TLL1: variants seen among roughly 807,000 people sequenced by gnomAD.
TLL1 encodes tolloid-like protein 1.
In TLL1, 49 loss-of-function variants were observed where a neutral mutation model predicts 128.2. That is an observed-to-expected ratio of 0.38 (90% CI 0.30 to 0.48). The LOEUF (loss-of-function observed/expected upper bound fraction) is 0.48. Ranked by LOEUF, TLL1 falls within the 20% of genes least tolerant of loss-of-function variation. The pLI, the probability that TLL1 is intolerant of heterozygous loss-of-function variation, is 0.96. For missense variants in TLL1, 1,123 were observed against 1,242.0 expected, an observed-to-expected ratio of 0.90 and a Z score of 1.44; for synonymous variants, 454 against 418.8, an observed-to-expected ratio of 1.08 and a Z score of -1.03.
At chr4:165,896,277 G>A (rs1383758656) in intron 1 of TLL1, among the ~76,000 whole-genome samples, 6 of 151,970 alleles carry the variant, frequency 3.9e-5, no homozygotes, top group African/African-American at 1.4e-4. Flanking sequence ...ATTTTTTATG[G>A]CTGCATATTA....
intron 16 of TLL1, among the ~76,000 whole-genome samples, chr4:166,071,318 G>T (rs567749012): frequency 6.6e-6 from 1 of 151,966 alleles, no homozygotes; most frequent in African/African-American, 2.4e-5. Context: ...GAGGTTCGCT[G>T]CAGGCCTCTG....
chr4:165,891,150 G>T (rs1731384761), intron 1 of TLL1, among the ~76,000 whole-genome samples: 1 of 152,142 alleles, frequency 6.6e-6, no homozygotes, highest in African/African-American at 2.4e-5. Flanking sequence ...AGAGCAGGAA[G>T]ACCCAGGGCC....
intron 7 of TLL1, among the ~76,000 whole-genome samples, chr4:166,009,797 T>C (rs926906521): frequency 6.6e-6 from 1 of 151,460 alleles, no homozygotes; most frequent in Non-Finnish European, 1.5e-5. Context: ...CCTCAAAGTT[T>C]TTGAAATTTC....
At chr4:166,048,675 A>G (rs773631070) in intron 12 of TLL1, among the ~76,000 whole-genome samples, 1 of 152,224 alleles carries the variant, frequency 6.6e-6, no homozygotes, top group Admixed American at 6.5e-5. Context: ...GAAGGCTGGA[A>G]ATGTTTACAG....
intron 12 of TLL1, among the ~76,000 whole-genome samples, chr4:166,046,194 A>G (rs574005146): frequency 2.6e-5 from 4 of 152,330 alleles, no homozygotes; most frequent in African/African-American, 9.6e-5. Context: ...ATGTAAGTCA[A>G]TGTATGAATG....
chr4:166,088,099 A>T (rs1321626836), intron 18 of TLL1, among the ~76,000 whole-genome samples: 1 of 152,194 alleles, frequency 6.6e-6, no homozygotes. Flanking sequence ...CCAAAGGAAG[A>T]TAGTGCTTGA....
chr4:165,914,410 G>T (rs1732687622), intron 1 of TLL1, among the ~76,000 whole-genome samples: 1 of 152,088 alleles, frequency 6.6e-6, no homozygotes, highest in East Asian at 1.9e-4. Flanking sequence ...TTATGTAGAG[G>T]CATGATGTTT....
intron 16 of TLL1, among the ~76,000 whole-genome samples, chr4:166,068,675 T>A (rs1740683030): frequency 6.6e-6 from 1 of 151,846 alleles, no homozygotes. Context: ...GACTTTTTCA[T>A]CAAGAAATAT....
intron 12 of TLL1, among the ~76,000 whole-genome samples, chr4:166,047,770 G>A (rs2111100624): frequency 6.6e-6 from 1 of 152,218 alleles, no homozygotes; most frequent in Admixed American, 6.5e-5. Flanking sequence ...ATAGAATCTT[G>A]ATGCCTCTGT....
chr4:165,957,852 TCCCTCCC>T (rs1170228699), intron 1 of TLL1, among the ~76,000 whole-genome samples: 1 of 106,768 alleles, frequency 9.4e-6, no homozygotes, highest in African/African-American at 3.6e-5. Context: ...CCTAATGCTA[TCCCTCCC>T]CCCTCCCCCC....
At chr4:166,058,497 G>T (rs1056029727) in intron 14 of TLL1, among the ~76,000 whole-genome samples, 3 of 152,022 alleles carry the variant, frequency 2.0e-5, no homozygotes, top group Non-Finnish European at 4.4e-5. Flanking sequence ...TCGTCTTTAT[G>T]TTTTAAGATG....
At chr4:166,054,949 C>A in intron 12 of TLL1, 127 bp from the exon 13 acceptor site, 1 of 704,930 alleles carries the variant, frequency 1.4e-6, no homozygotes, top group Middle Eastern at 3.7e-4. Context: ...CATTCAAGTA[C>A]ACTCATTTGA....
Position 165,912,603 on chromosome 4 carries a change from C to T in TLL1, c.169+38530C>T, listed in dbSNP as rs182145019. Among the ~76,000 whole-genome samples the T allele has an allele frequency of 1.4e-3, 210 of 152,330 alleles. 2 individuals carry two copies. The highest frequency in any genetic ancestry group is 9.0e-4 in the Non-Finnish European group (61 of 68,040). ...TGAAAAGAGCGCTTTCAGGCACAGC[C>T]TGATTAGAATCCCTGCCCATGTGAT... On this transcript the variant is annotated intron_variant, in intron 1 of 20. Transcript: ENST00000061240.
At chr4:166,051,303 C>CTTCCTTCCTTCCTTCCTTCCTTCCT (rs1560836696) in intron 12 of TLL1, among the ~76,000 whole-genome samples, 2 of 94,396 alleles carry the variant, frequency 2.1e-5, no homozygotes, top group South Asian at 6.3e-4. Context: ...CCCTCCTTTC[C>CTTCCTTCCTTCCTTCCTTCCTTCCT]TTCCTTCCTT....
chr4:165,997,803 C>T (rs547381097), intron 5 of TLL1, among the ~76,000 whole-genome samples: 2 of 152,126 alleles, frequency 1.3e-5, no homozygotes, highest in East Asian at 3.9e-4. Flanking sequence ...ATTATAAGTA[C>T]AGTTTATGTA....
Position 166,083,654 on chromosome 4 carries a change from G to T in TLL1, c.2442+5624G>T, listed in dbSNP as rs1243871691. Among the ~76,000 whole-genome samples the T allele has an allele frequency of 2.0e-5, 2 of 98,086 alleles. 1 individual carries two copies. Among genetic ancestry groups the T allele is most frequent in the Non-Finnish European group, 5.1e-5 (2 of 38,886 alleles). 64.3% of individuals were successfully genotyped at this position (98,086 alleles called of 152,430 possible). A position where few individuals can be genotyped will look rare whatever the true frequency, so the allele number is the denominator to read the frequency against. ...GACCATGTAGTATTTATCTTTCTGT[G>T]CCTGGCTTGCTTTATTTAACATAAT... On this transcript the variant is annotated intron_variant, in intron 18 of 20. Transcript: ENST00000061240.
intron 1 of TLL1, among the ~76,000 whole-genome samples, chr4:165,946,362 A>T (rs904186902): frequency 6.6e-6 from 1 of 151,606 alleles, no homozygotes; most frequent in South Asian, 2.1e-4. Flanking sequence ...TTGAGACAGG[A>T]TCCCACACTG....
At chr4:165,990,837 G>A (rs1365972123) in intron 2 of TLL1, among the ~76,000 whole-genome samples, 2 of 151,980 alleles carry the variant, frequency 1.3e-5, no homozygotes, top group African/African-American at 4.8e-5. Flanking sequence ...GGGTGCTTTG[G>A]TGTTTGTTAT....
At chr4:166,025,698 G>T (rs1229280879) in intron 9 of TLL1, among the ~76,000 whole-genome samples, 1 of 152,164 alleles carries the variant, frequency 6.6e-6, no homozygotes, top group African/African-American at 2.4e-5. Flanking sequence ...ATCAGTATCA[G>T]AAAGACGCTT....
Sources: allele counts gnomAD v4.1 joint callset (sites outside exome capture counted in the v4.1 genomes callset), GRCh38; gene constraint gnomAD v4.1.1; transcripts MANE v1.5; gene names NCBI Gene and HGNC (gene_info 2026-07-23, HGNC 2026-07-21).